SAG: variants seen among roughly 807,000 people sequenced by gnomAD.
SAG encodes S-arrestin.
A neutral mutation model predicts 55.0 loss-of-function variants in SAG; 45 were observed. The ratio of observed to expected loss-of-function variants is 0.82; its 90% CI spans 0.64 to 1.05. The LOEUF is 1.05. SAG is among the 50% of genes least tolerant of loss of function. The pLI is 0.00. For missense variants in SAG, 455 were observed against 512.1 expected, an observed-to-expected ratio of 0.89 and a Z score of 1.08; for synonymous variants, 189 against 197.4, an observed-to-expected ratio of 0.96 and a Z score of 0.36.
At chr2:233,308,296 C>T (rs1559428524) in intron 1 of SAG, among the ~76,000 whole-genome samples, 1 of 151,672 alleles carries the variant, frequency 6.6e-6, no homozygotes, top group East Asian at 1.9e-4. Flanking sequence ...CCAGTCTCTA[C>T]AAAAAAACAA....
intron 6 of SAG, among the ~76,000 whole-genome samples, chr2:233,324,212 C>T (rs1196507051): frequency 6.6e-6 from 1 of 151,924 alleles, no homozygotes; most frequent in Admixed American, 6.6e-5. Context: ...GGCAACGTGG[C>T]GAGACCCCAT....
chr2:233,340,297 G>A lies in SAG; in HGVS notation c.1023-158G>A, dbSNP rs1433195771. 6.6e-6 allele frequency among the ~76,000 whole-genome samples: 1 copy of A among 152,154 alleles called. No homozygotes were observed. Among genetic ancestry groups the A allele is most frequent in the African/African-American group, 2.4e-5 (1 of 41,436 alleles). ...TCTTGAGAAAGAGATGAAGTCACAG[G>A]TAATGAAGTTGAACATTAAGGGATG... On this transcript the variant is annotated intron_variant, in intron 12 of 15. Coordinates refer to ENST00000409110, the MANE Select transcript of SAG (RefSeq NM_000541.5). The surrounding 1 kb of genome is among the most constrained non-coding windows in gnomAD (Gnocchi z 4.2).
At chr2:233,344,504 A>G (rs1258162481) in intron 14 of SAG, 3 of 152,106 alleles carry the variant, frequency 2.0e-5, no homozygotes, top group Non-Finnish European at 1.5e-5. Flanking sequence ...TTCCATATAC[A>G]ACTTTCACGT....
In SAG at chr2:233,329,528, G is replaced by A; in HGVS notation, c.684G>A (p.Val228=). The stretch of plus-strand genomic sequence containing the variant: ...ATGGGGAGCCCATCCCTGTGACCGT[G>A]ACTGTCACCAATAACACAGAGAAGA... The part of the protein sequence containing the change: ...YFHGEPIPVT[V]TVTNNTEKTV... The change falls in exon 9 of 16, where the codon GTG becomes GTA. Residue 228 remains valine (V), a synonymous_variant. Transcript: ENST00000409110. The A allele has an allele frequency of 6.2e-7, 1 of 1,613,576 alleles. No individual in the cohort carries two copies. The highest frequency in any genetic ancestry group is 8.5e-7 in the Non-Finnish European group (1 of 1,179,532).
intron 10 of SAG, 23 bp from the exon 11 acceptor site, chr2:233,334,939 C>T: frequency 6.2e-7 from 1 of 1,613,116 alleles, no homozygotes; most frequent in Non-Finnish European, 8.5e-7. Flanking sequence ...GGTTATAAAT[C>T]TCCTCTGTTC....
chr2:233,314,641 A>G (rs1008631955), intron 2 of SAG, among the ~76,000 whole-genome samples: 4 of 152,204 alleles, frequency 2.6e-5, no homozygotes, highest in African/African-American at 9.6e-5. Context: ...CACACCACCC[A>G]GGCTAGTGAG....
At chr2:233,320,228 C>G (rs542373311) in intron 4 of SAG, among the ~76,000 whole-genome samples, 1 of 152,254 alleles carries the variant, frequency 6.6e-6, no homozygotes, top group African/African-American at 2.4e-5. Flanking sequence ...CTGTTTCCCT[C>G]TGCATCTTAC....
At chr2:233,334,222 T>C (rs1037023414) in intron 10 of SAG, 2 of 152,222 alleles carry the variant, frequency 1.3e-5, no homozygotes, top group Non-Finnish European at 2.9e-5. Context: ...GCACTTGGCC[T>C]GGCACACAGC....
chr2:233,312,577 CT>C (rs1177169820), intron 2 of SAG, among the ~76,000 whole-genome samples: 2 of 152,214 alleles, frequency 1.3e-5, no homozygotes, highest in African/African-American at 4.8e-5. Flanking sequence ...GTCTTTCATC[CT>C]GCTTAAAACG....
chr2:233,342,635 T>A, intron 14 of SAG: 1 of 321,380 alleles, frequency 3.1e-6, no homozygotes, highest in Non-Finnish European at 5.7e-6. Flanking sequence ...TCAACAGACC[T>A]GGATTTAGAA....
rs1015769993 is a variant in SAG at position 233,340,647 on chromosome 2, C to T, written c.1046+169C>T. 7.2e-5 allele frequency among the ~76,000 whole-genome samples: 11 copies of T among 152,030 alleles called. No individual in the cohort carries two copies. Among genetic ancestry groups the T allele is most frequent in the Admixed American group, 6.6e-5 (1 of 15,258 alleles). ...GCATCACAGAACCGTGGCTCATAGG[C>T]GTTTCTTTGGGACCAGATTTCTTTG... On this transcript the variant is annotated intron_variant, in intron 13 of 15. Coordinates refer to ENST00000409110, the MANE Select transcript of SAG (RefSeq NM_000541.5). The surrounding 1 kb of genome is among the most constrained non-coding windows in gnomAD (Gnocchi z 4.2).
intron 6 of SAG, among the ~76,000 whole-genome samples, chr2:233,325,180 G>A (rs1363773810): frequency 6.7e-6 from 1 of 150,074 alleles, no homozygotes; most frequent in Non-Finnish European, 1.5e-5. Flanking sequence ...TTCCAGCCTG[G>A]GCATTAGAGC....
At chr2:233,310,005 A>ACC (rs1700034234) in intron 2 of SAG, among the ~76,000 whole-genome samples, 1 of 151,838 alleles carries the variant, frequency 6.6e-6, no homozygotes, top group Non-Finnish European at 1.5e-5. Flanking sequence ...CCGTGCACCT[A>ACC]CCCCACCCGG....
In SAG at chr2:233,327,174, C is replaced by G. The variant is rs2304773; in HGVS notation, c.489C>G (p.Ala163=). 5 of 1,613,394 alleles carry G rather than the reference C, an allele frequency of 3.1e-6. No homozygotes were observed. In the South Asian group the frequency reaches 5.5e-5, roughly 18 times the overall value. ...VKAFATDSTD[A]EEDKIPKKSS... is the part of the protein sequence containing the mutation. ...CATTCGCCACAGACAGCACCGATGCCGAAGAGGACAAAATCCCCAAGAAGT... is the reference window on the plus strand; with the variant it reads ...CATTCGCCACAGACAGCACCGATGCGGAAGAGGACAAAATCCCCAAGAAGT... Residue 163 remains alanine (A), a synonymous_variant, in exon 7 of 16, where the codon GCC becomes GCG. Transcript: ENST00000409110.
chr2:233,319,034 A>G lies in SAG; in HGVS notation c.181+239A>G. ...AAGTCATTGTCCAGGGTGGCAGATAAGTAGATGGTAGACGGAGCCCAGGTC... is the reference window on the plus strand; with the variant it reads ...AAGTCATTGTCCAGGGTGGCAGATAGGTAGATGGTAGACGGAGCCCAGGTC... On this transcript the variant is annotated intron_variant, in intron 4 of 15. Transcript: ENST00000409110. The surrounding 1 kb of genome is among the most constrained non-coding windows in gnomAD (Gnocchi z 4.4). 1.4e-6 allele frequency: 1 copy of G among 695,278 alleles called. No homozygotes were observed. Among genetic ancestry groups the G allele is most frequent in the Non-Finnish European group, 2.7e-6 (1 of 369,790 alleles). 43.1% of individuals were successfully genotyped at this position (695,278 alleles called of 1,614,324 possible). A position where few individuals can be genotyped will look rare whatever the true frequency, so the allele number is the denominator to read the frequency against.
At chr2:233,339,006 C>T (rs1479400447) in intron 12 of SAG, among the ~76,000 whole-genome samples, 1 of 152,182 alleles carries the variant, frequency 6.6e-6, no homozygotes, top group African/African-American at 2.4e-5. Context: ...TGCAAAAATA[C>T]GTGTGCATAT....
rs1316538902 is a variant in SAG, at chr2:233,314,532, A to C, written c.76-1543A>C. On this transcript the variant is annotated intron_variant, in intron 2 of 15. Transcript: ENST00000409110. ...CAGGGTGGATCTTGAGGGCAAGGCC[A>C]AGACACCCACAGTGTTTAGGAAGCT... Among the ~76,000 whole-genome samples, 3 of 152,202 alleles carry C rather than the reference A, an allele frequency of 2.0e-5. No homozygotes were observed. The South Asian group carries it at 6.2e-4, about 32-fold the overall frequency.
intron 7 of SAG, 57 bp from the exon 8 acceptor site, chr2:233,328,421 C>T: frequency 6.3e-7 from 1 of 1,581,568 alleles, no homozygotes; most frequent in Non-Finnish European, 8.6e-7. Context: ...AGAACAGAAG[C>T]CTCCCTAAAG....
chr2:233,315,927 C>T, intron 2 of SAG, 148 bp from the exon 3 acceptor site: 1 of 600,422 alleles, frequency 1.7e-6, no homozygotes, highest in East Asian at 3.4e-5. Flanking sequence ...GGCTCAAACT[C>T]CTGACCTCGT....
Sources: allele counts gnomAD v4.1 joint callset (sites outside exome capture counted in the v4.1 genomes callset), GRCh38; gene constraint gnomAD v4.1.1; non-coding constraint Gnocchi (gnomAD v3.1); transcripts MANE v1.5; gene names NCBI Gene and HGNC (gene_info 2026-07-23, HGNC 2026-07-21).